Variants in TMCC1 observed in about 807,000 individuals in gnomAD.
The protein encoded by TMCC1 is transmembrane and coiled-coil domain family 1, also known as transmembrane and coiled-coil domains protein 1.
TMCC1 carries 15 observed loss-of-function variants against 52.4 expected under a neutral mutation model. That is an observed-to-expected ratio of 0.29 (90% CI 0.19 to 0.44). The LOEUF is 0.44. TMCC1 is among the 20% of genes least tolerant of loss of function. The pLI is 1.00. For missense variants in TMCC1, 503 were observed against 806.0 expected, an observed-to-expected ratio of 0.62 and a Z score of 4.55; for synonymous variants, 279 against 301.9, an observed-to-expected ratio of 0.92 and a Z score of 0.79.
At chr3:129,691,304 T>C (rs2047013525) in intron 4 of TMCC1, among the ~76,000 whole-genome samples, 1 of 152,160 alleles carries the variant, frequency 6.6e-6, no homozygotes, top group South Asian at 2.1e-4. Flanking sequence ...TCCCAGCACT[T>C]TAGGAAGGCT....
At chr3:129,799,582 G>A (rs867335393) in intron 4 of TMCC1, among the ~76,000 whole-genome samples, 2 of 152,048 alleles carry the variant, frequency 1.3e-5, no homozygotes, top group African/African-American at 4.8e-5. Flanking sequence ...AGGCCGAGGC[G>A]GGTGGATCAC....
intron 4 of TMCC1, among the ~76,000 whole-genome samples, chr3:129,744,387 A>C (rs2051737614): frequency 6.6e-6 from 1 of 152,170 alleles, no homozygotes; most frequent in Non-Finnish European, 1.5e-5. Context: ...TCCTGGGCTC[A>C]AGCAATCCTC....
At chr3:129,767,121 C>T (rs1270691642) in intron 4 of TMCC1, among the ~76,000 whole-genome samples, 3 of 151,850 alleles carry the variant, frequency 2.0e-5, no homozygotes, top group Admixed American at 2.0e-4. Flanking sequence ...ATTAGCAGGG[C>T]ATAATGGTTG....
chr3:129,779,832 T>C (rs938062737), intron 4 of TMCC1, among the ~76,000 whole-genome samples: 17 of 152,204 alleles, frequency 1.1e-4, no homozygotes, highest in African/African-American at 4.1e-4. Context: ...TATTTCTGGC[T>C]TCACTACTGC....
intron 1 of TMCC1, among the ~76,000 whole-genome samples, chr3:129,891,750 G>A (rs2061972034): frequency 6.6e-6 from 1 of 152,114 alleles, no homozygotes; most frequent in East Asian, 1.9e-4. Flanking sequence ...CAAAGTAAGG[G>A]CTCAATAAAC....
intron 4 of TMCC1, among the ~76,000 whole-genome samples, chr3:129,761,142 G>A (rs2053549658): frequency 6.6e-6 from 1 of 151,508 alleles, no homozygotes; most frequent in Non-Finnish European, 1.5e-5. Context: ...TGGCTAACAC[G>A]GTGAAACCCC....
intron 4 of TMCC1, among the ~76,000 whole-genome samples, chr3:129,764,289 T>C (rs973244891): frequency 6.6e-6 from 1 of 152,214 alleles, no homozygotes; most frequent in Non-Finnish European, 1.5e-5. Flanking sequence ...TTACTAGGCC[T>C]CAAGATAAAA....
chr3:129,736,647 G>A (rs913917126), intron 4 of TMCC1, among the ~76,000 whole-genome samples: 1 of 151,068 alleles, frequency 6.6e-6, no homozygotes, highest in Non-Finnish European at 1.5e-5. Flanking sequence ...TCAGCCTCCT[G>A]AGTAGCTGGG....
Position 129,671,132 on chromosome 3 carries a change from G to A in TMCC1, c.709C>T (p.Leu237=). The A allele has an allele frequency of 6.2e-7, 1 of 1,614,178 alleles. No homozygotes were observed. The highest frequency in any genetic ancestry group is 1.7e-5 in the Admixed American group (1 of 60,026). ...GTGAGCTTCAGGATCTTCTGCTGCA[G>A]GTGAGCAATGGCAGCCTTTGTGCGC... ...PQRTKAAIAH[L]QQKILKLTEQ... is the part of the protein sequence containing the mutation. The change falls in exon 5 of 7, where the codon CTG becomes TTG. Residue 237 remains leucine (L), a synonymous_variant. Transcript: ENST00000393238.
chr3:129,763,542 CAAAAAAA>C (rs11354197), intron 4 of TMCC1, among the ~76,000 whole-genome samples: 495 of 44,652 alleles, frequency 0.011, 3 homozygotes, highest in African/African-American at 0.031. Flanking sequence ...GACCCTGTCT[CAAAAAAA>C]AAAAAAAAAA....
chr3:129,772,591 C>G (rs1181749609), intron 4 of TMCC1, among the ~76,000 whole-genome samples: 2 of 151,188 alleles, frequency 1.3e-5, no homozygotes, highest in East Asian at 2.0e-4. Context: ...GGTGTGGTGG[C>G]GGGCACCTGT....
intron 4 of TMCC1, among the ~76,000 whole-genome samples, chr3:129,739,959 T>C (rs992884702): frequency 6.6e-6 from 1 of 152,284 alleles, no homozygotes; most frequent in African/African-American, 2.4e-5. Flanking sequence ...CCTCGTCATT[T>C]ATTAAGCACA....
chr3:129,827,386 G>C (rs1403791005), intron 4 of TMCC1, among the ~76,000 whole-genome samples: 5 of 152,172 alleles, frequency 3.3e-5, no homozygotes, highest in Admixed American at 3.3e-4. Flanking sequence ...AACCAACTTA[G>C]TGTACTTCCA....
At chr3:129,682,103 C>G (rs527982956) in intron 4 of TMCC1, among the ~76,000 whole-genome samples, 1 of 151,992 alleles carries the variant, frequency 6.6e-6, no homozygotes, top group East Asian at 1.9e-4. Context: ...CTGAAATTAT[C>G]TGACAAATTA....
At chr3:129,763,210 ATAAAT>A (rs1404557985) in intron 4 of TMCC1, among the ~76,000 whole-genome samples, 26 of 79,800 alleles carry the variant, frequency 3.3e-4, no homozygotes, top group African/African-American at 1.6e-3. Context: ...AAAATAAAAA[ATAAAT>A]AAATAAATAA....
At chr3:129,659,554 G>T (rs1380816375) in intron 5 of TMCC1, among the ~76,000 whole-genome samples, 1 of 152,132 alleles carries the variant, frequency 6.6e-6, no homozygotes, top group African/African-American at 2.4e-5. Context: ...GATTCACTTG[G>T]TATGTGAGGT....
At chr3:129,800,714 C>T (rs1043907121) in intron 4 of TMCC1, among the ~76,000 whole-genome samples, 1 of 152,090 alleles carries the variant, frequency 6.6e-6, no homozygotes, top group Non-Finnish European at 1.5e-5. Context: ...ACATTATTCT[C>T]CAAGTAGTCA....
intron 4 of TMCC1, among the ~76,000 whole-genome samples, chr3:129,734,644 C>T (rs1286074323): frequency 6.6e-6 from 1 of 152,078 alleles, no homozygotes; most frequent in Non-Finnish European, 1.5e-5. Context: ...GATTGCATCA[C>T]TGCACTCCAG....
At chr3:129,708,771 G>A (rs950255903) in intron 4 of TMCC1, among the ~76,000 whole-genome samples, 1 of 152,100 alleles carries the variant, frequency 6.6e-6, no homozygotes, top group African/African-American at 2.4e-5. Flanking sequence ...CACTTATTCA[G>A]TTACAAATAA....
Sources: gnomAD v4.1 joint callset for allele counts (sites outside exome capture counted in the v4.1 genomes callset) on GRCh38, gnomAD v4.1.1 for gene constraint, MANE v1.5 for transcripts, NCBI Gene and HGNC (gene_info 2026-07-23, HGNC 2026-07-21) for gene names.